CHRM3: variants seen among roughly 807,000 people sequenced by gnomAD.
The protein encoded by CHRM3 is cholinergic receptor muscarinic 3, also known as muscarinic acetylcholine receptor M3.
In CHRM3, 11 loss-of-function variants were observed where a neutral mutation model predicts 41.8. The observed-to-expected ratio is 0.26, with a 90% confidence interval of 0.17 to 0.44. The LOEUF is 0.44. Among genes scored for constraint, CHRM3 ranks in the 20% least tolerant of loss-of-function variants. CHRM3 has a pLI of 1.00. For synonymous variants in CHRM3, 297 were observed against 301.4 expected (o/e 0.99, Z 0.15); for missense variants, 571 against 745.4 (o/e 0.77, Z 2.72).
At chr1:239,582,564 C>T (rs764704754) in intron 3 of CHRM3, among the ~76,000 whole-genome samples, 12 of 152,274 alleles carry the variant, frequency 7.9e-5, no homozygotes, top group Middle Eastern at 3.4e-3. Flanking sequence ...CCATACAGGA[C>T]ATCCAACATC....
chr1:239,770,283 T>G (rs2148719900), intron 5 of CHRM3, among the ~76,000 whole-genome samples: 1 of 152,332 alleles, frequency 6.6e-6, no homozygotes, highest in Admixed American at 6.5e-5. Context: ...AGACAGTGTA[T>G]GTGTTTGCAG....
chr1:239,826,737 G>C (rs935295602), intron 5 of CHRM3: 2 of 152,052 alleles, frequency 1.3e-5, no homozygotes, highest in African/African-American at 4.8e-5. Context: ...ACAAAATATG[G>C]ATAAAATAAG....
intron 5 of CHRM3, among the ~76,000 whole-genome samples, chr1:239,766,684 G>GATATGGATATAGAT (rs1667245670): frequency 2.6e-5 from 1 of 38,022 alleles, no homozygotes; most frequent in Admixed American, 4.5e-4. Flanking sequence ...TATAGATATA[G>GATATGGATATAGAT]ATATAGATAT....
At chr1:239,484,672 C>A (rs1667073809) in intron 1 of CHRM3, among the ~76,000 whole-genome samples, 1 of 152,068 alleles carries the variant, frequency 6.6e-6, no homozygotes, top group Non-Finnish European at 1.5e-5. Context: ...GCACTCCAGT[C>A]TGGGCAACAG....
At chr1:239,439,873 CA>C (rs1444297925) in intron 1 of CHRM3, among the ~76,000 whole-genome samples, 1 of 151,934 alleles carries the variant, frequency 6.6e-6, no homozygotes, top group African/African-American at 2.4e-5. Flanking sequence ...AATTGGTGTG[CA>C]AAGAAGATGG....
chr1:239,874,810 C>T (rs377737579), intron 6 of CHRM3, among the ~76,000 whole-genome samples: 1 of 151,766 alleles, frequency 6.6e-6, no homozygotes, highest in Non-Finnish European at 1.5e-5. Flanking sequence ...GAGACTGTCC[C>T]GCCTCAGCCT....
intron 5 of CHRM3, among the ~76,000 whole-genome samples, chr1:239,784,808 C>T (rs1041906993): frequency 6.6e-6 from 1 of 152,112 alleles, no homozygotes; most frequent in Non-Finnish European, 1.5e-5. Flanking sequence ...ATGGAAATCA[C>T]TTGAGCCTCT....
chr1:239,693,126 TA>T (rs1659868463), intron 5 of CHRM3, among the ~76,000 whole-genome samples: 2 of 152,176 alleles, frequency 1.3e-5, no homozygotes, highest in South Asian at 2.1e-4. Context: ...AGAAGTATGG[TA>T]ATTGTTACCT....
intron 6 of CHRM3, among the ~76,000 whole-genome samples, chr1:239,903,420 A>C (rs976878248): frequency 2.0e-5 from 3 of 152,180 alleles, no homozygotes; most frequent in Non-Finnish European, 4.4e-5. Flanking sequence ...TGAGTTTATG[A>C]AATGCAGAGG....
chr1:239,457,065 G>T (rs74655438), intron 1 of CHRM3, among the ~76,000 whole-genome samples: 258 of 152,184 alleles, frequency 1.7e-3, no homozygotes, highest in African/African-American at 5.8e-3. Context: ...GTCATTCCCC[G>T]GAAATCCTCA....
chr1:239,505,692 T>TA (rs780346778), intron 2 of CHRM3, among the ~76,000 whole-genome samples: 4 of 152,216 alleles, frequency 2.6e-5, no homozygotes, highest in Non-Finnish European at 4.4e-5. Flanking sequence ...CTGTTGTAGA[T>TA]ACTCAAAAAT....
chr1:239,650,755 C>G (rs1033993786), intron 4 of CHRM3, among the ~76,000 whole-genome samples: 1 of 152,156 alleles, frequency 6.6e-6, no homozygotes, highest in Non-Finnish European at 1.5e-5. Flanking sequence ...CAGAGGCTAA[C>G]TAAACGTAAT....
At chr1:239,857,343 A>T (rs1258604012) in intron 6 of CHRM3, among the ~76,000 whole-genome samples, 1 of 152,236 alleles carries the variant, frequency 6.6e-6, no homozygotes, top group African/African-American at 2.4e-5. Context: ...AGAATCTCTC[A>T]TATTTACTAT....
At chr1:239,749,537 A>G (rs1665640348) in intron 5 of CHRM3, among the ~76,000 whole-genome samples, 1 of 152,138 alleles carries the variant, frequency 6.6e-6, no homozygotes. Flanking sequence ...GTGTGGTAGC[A>G]CGTGCCTGTA....
intron 1 of CHRM3, among the ~76,000 whole-genome samples, chr1:239,470,328 C>T (rs1404308511): frequency 1.3e-5 from 2 of 152,124 alleles, no homozygotes; most frequent in African/African-American, 2.4e-5. Context: ...CACTACTGCC[C>T]ACTCTTTAAT....
chr1:239,886,316 C>A (rs145564138), intron 6 of CHRM3: 1 of 152,200 alleles, frequency 6.6e-6, no homozygotes, highest in Non-Finnish European at 1.5e-5. Context: ...GGAGGAGGTG[C>A]CAAAGACCAG....
intron 3 of CHRM3, among the ~76,000 whole-genome samples, chr1:239,600,030 A>G (rs1251025070): frequency 2.0e-5 from 3 of 152,156 alleles, no homozygotes; most frequent in African/African-American, 4.8e-5. Context: ...ATTTTGCTGT[A>G]TATTCCTTCT....
At chr1:239,540,932 G>C (rs1658712769) in intron 2 of CHRM3, among the ~76,000 whole-genome samples, 2 of 152,200 alleles carry the variant, frequency 1.3e-5, no homozygotes, top group East Asian at 3.9e-4. Context: ...CACAATAAAT[G>C]CTATGTTAAA....
intron 1 of CHRM3, among the ~76,000 whole-genome samples, chr1:239,414,406 G>C (rs1420918752): frequency 6.6e-6 from 1 of 152,188 alleles, no homozygotes; most frequent in Non-Finnish European, 1.5e-5. Context: ...CATTTAGGTT[G>C]TGTCTACCTA....
Sources: gnomAD v4.1 joint callset for allele counts (sites outside exome capture counted in the v4.1 genomes callset) on GRCh38, gnomAD v4.1.1 for gene constraint, MANE v1.5 for transcripts, NCBI Gene and HGNC (gene_info 2026-07-23, HGNC 2026-07-21) for gene names.